The following MAPK10 variants were observed in gnomAD, a reference collection of about 807,000 sequenced individuals.
MAPK10 encodes JNK3 alpha protein kinase.
MAPK10 carries 25 observed loss-of-function variants against 59.3 expected under a neutral mutation model. The ratio of observed to expected loss-of-function variants is 0.42; its 90% CI spans 0.31 to 0.59. MAPK10 has a LOEUF of 0.59. Among genes scored for constraint, MAPK10 ranks in the 20% least tolerant of loss-of-function variants. The pLI is 0.15. For synonymous variants in MAPK10, 190 were observed against 200.5 expected, an observed-to-expected ratio of 0.95 and a Z score of 0.44; for missense variants, 351 against 568.9, an observed-to-expected ratio of 0.62 and a Z score of 3.90.
intron 1 of MAPK10, among the ~76,000 whole-genome samples, chr4:86,577,988 T>C (rs1176277766): frequency 6.6e-6 from 1 of 152,096 alleles, no homozygotes; most frequent in Non-Finnish European, 1.5e-5. Context: ...GGAATTAAGG[T>C]TGGTATTATT....
chr4:86,482,864 G>A (rs374474156), intron 1 of MAPK10, among the ~76,000 whole-genome samples: 238 of 152,270 alleles, frequency 1.6e-3, no homozygotes, highest in Middle Eastern at 6.8e-3. Flanking sequence ...AGAGATTTGA[G>A]TATATTCCAT....
rs556165442 is a variant in MAPK10, at chr4:86,290,738, GCC to G, written c.-7+63790_-7+63791del. The stretch of plus-strand genomic sequence containing the variant: ...AAACATGAATTGATGAATAAATGAA[GCC>G]ACCATTTACTATATTAGATGTAGCA... On this transcript the variant is annotated intron_variant, in intron 2 of 13. Transcript: ENST00000641462. Among the ~76,000 whole-genome samples the G allele has an allele frequency of 2.5e-4, 38 of 152,220 alleles. No individual in the cohort carries two copies. In the East Asian group the frequency reaches 7.0e-3, roughly 28 times the overall value.
At chr4:86,396,103 T>C (rs967900885) in intron 1 of MAPK10, among the ~76,000 whole-genome samples, 3 of 152,158 alleles carry the variant, frequency 2.0e-5, no homozygotes, top group African/African-American at 7.2e-5. Flanking sequence ...CCCAGCACTT[T>C]GGGAGGCCGA....
intron 4 of MAPK10, among the ~76,000 whole-genome samples, chr4:86,116,565 C>T (rs2058321979): frequency 6.6e-6 from 1 of 152,214 alleles, no homozygotes; most frequent in Non-Finnish European, 1.5e-5. Flanking sequence ...GGCCATCCCC[C>T]TATCTCATGT....
In MAPK10 at chr4:86,080,089, C is replaced by G. The variant is rs935331393; in HGVS notation, c.803-12134G>C. 2.6e-5 allele frequency: 4 copies of G among 151,540 alleles called. No individual in the cohort carries two copies. The East Asian group carries it at 5.8e-4, about 22-fold the overall frequency. The allele number at this position is 151,540 out of a possible 1,614,324, so 9.4% of individuals were successfully genotyped here. On this transcript the variant is annotated intron_variant, in intron 9 of 13. Transcript: ENST00000641462. ...AAGTACCCAGTACATAGTAGGTACT[C>G]AAAAATATTTATGTTATAAATGAAT... is the stretch of plus-strand genomic sequence containing the variant.
intron 11 of MAPK10, among the ~76,000 whole-genome samples, chr4:86,049,765 T>C (rs1235865976): frequency 6.6e-6 from 1 of 152,138 alleles, no homozygotes; most frequent in East Asian, 1.9e-4. Context: ...TCCATTGCCA[T>C]TGAAGTCCAT....
chr4:86,197,446 A>T (rs1278318383), intron 2 of MAPK10, among the ~76,000 whole-genome samples: 2 of 152,146 alleles, frequency 1.3e-5, no homozygotes, highest in Admixed American at 1.3e-4. Flanking sequence ...TTATCAGCTT[A>T]AGGAGATTTG....
chr4:86,085,972 C>T (rs2051724061), intron 9 of MAPK10, among the ~76,000 whole-genome samples: 2 of 152,026 alleles, frequency 1.3e-5, no homozygotes, highest in Non-Finnish European at 2.9e-5. Context: ...ACAATGAGAA[C>T]ACATGGACAC....
intron 1 of MAPK10, among the ~76,000 whole-genome samples, chr4:86,559,217 A>G (rs79464770): frequency 0.028 from 4,306 of 151,812 alleles, 215 homozygotes; most frequent in African/African-American, 0.098. Flanking sequence ...ACCAAATCCA[A>G]CGGTTTTGCT....
chr4:86,541,829 A>T (rs1758716248), intron 1 of MAPK10, among the ~76,000 whole-genome samples: 1 of 151,774 alleles, frequency 6.6e-6, no homozygotes. Context: ...CTGCCAAGAA[A>T]TTCCTTTCCT....
chr4:86,103,119 T>TGTGTGTG (rs2055849579), intron 6 of MAPK10, 67 bp downstream of exon 6: 4 of 601,910 alleles, frequency 6.6e-6, no homozygotes, highest in East Asian at 7.0e-5. Context: ...GTGTGTGTGG[T>TGTGTGTG]GTGTGATTTT....
At chr4:86,338,413 A>G (rs1722835552) in intron 2 of MAPK10, among the ~76,000 whole-genome samples, 1 of 152,108 alleles carries the variant, frequency 6.6e-6, no homozygotes, top group Admixed American at 6.6e-5. Context: ...AGCCCTCTGT[A>G]AGTTCCCCTA....
intron 1 of MAPK10, among the ~76,000 whole-genome samples, chr4:86,403,815 A>C (rs61686149): frequency 6.6e-6 from 1 of 152,034 alleles, no homozygotes; most frequent in African/African-American, 2.4e-5. Context: ...CCCTTGACAC[A>C]TGGGGATTAC....
At chr4:86,393,813 A>G (rs551420427) in intron 1 of MAPK10, among the ~76,000 whole-genome samples, 31 of 152,058 alleles carry the variant, frequency 2.0e-4, no homozygotes, top group African/African-American at 7.5e-4. Context: ...TTCCACAGTA[A>G]CTCTCTCCCT....
intron 2 of MAPK10, among the ~76,000 whole-genome samples, chr4:86,206,314 C>A (rs1195628746): frequency 6.6e-6 from 1 of 151,480 alleles, no homozygotes; most frequent in Non-Finnish European, 1.5e-5. Flanking sequence ...TTTGTTCTTG[C>A]GATAGTTTAC....
At chr4:86,450,108 G>T (rs1374415806) in intron 1 of MAPK10, among the ~76,000 whole-genome samples, 2 of 152,212 alleles carry the variant, frequency 1.3e-5, no homozygotes, top group African/African-American at 2.4e-5. Context: ...TAATAAATGT[G>T]TGTTGTTTTA....
chr4:86,130,452 G>A (rs1483562732), intron 4 of MAPK10, among the ~76,000 whole-genome samples: 2 of 151,994 alleles, frequency 1.3e-5, no homozygotes, highest in African/African-American at 4.8e-5. Flanking sequence ...GTCAAAAGGA[G>A]AAAATACTAG....
chr4:86,456,028 G>A (rs925186602), upstream of MAPK10, among the ~76,000 whole-genome samples: 1 of 152,064 alleles, frequency 6.6e-6, no homozygotes, highest in African/African-American at 2.4e-5. Context: ...GCAAATACAT[G>A]GAAATTAAAT....
chr4:86,419,156 A>C (rs1433938582), intron 1 of MAPK10, among the ~76,000 whole-genome samples: 1 of 152,218 alleles, frequency 6.6e-6, no homozygotes, highest in African/African-American at 2.4e-5. Flanking sequence ...AATAAAATAA[A>C]TGTTTTTTAA....
Sources: gnomAD v4.1 joint callset for allele counts (sites outside exome capture counted in the v4.1 genomes callset) on GRCh38, gnomAD v4.1.1 for gene constraint, MANE v1.5 for transcripts, NCBI Gene and HGNC (gene_info 2026-07-23, HGNC 2026-07-21) for gene names.